The following MDH2 variants were observed in gnomAD, a reference collection of about 807,000 sequenced individuals.
The protein encoded by MDH2 is malate dehydrogenase 2.
Under a neutral mutation model 33.6 loss-of-function variants are expected in MDH2, and 25 were observed. The observed-to-expected ratio is 0.74, with a 90% CI of 0.54 to 1.04. The LOEUF (loss-of-function observed/expected upper bound fraction) is 1.04, where lower values mean the gene tolerates loss of function less well. MDH2 is among the 50% of genes least tolerant of loss of function. The pLI, the probability that MDH2 is intolerant of heterozygous loss-of-function variation, is 0.00. For synonymous variants in MDH2, 193 were observed against 188.7 expected, an observed-to-expected ratio of 1.02 and a Z score of -0.19; for missense variants, 432 against 445.0, an observed-to-expected ratio of 0.97 and a Z score of 0.26.
In MDH2 at chr7:76,060,514, G is replaced by A. The variant is rs781832387; in HGVS notation, c.555+16G>A. On this transcript the variant is annotated intron_variant, in intron 5 of 8. Coordinates refer to ENST00000315758, the MANE Select transcript of MDH2 (RefSeq NM_005918.4). ...AGAGCTGAAGGTAAGGGCGGCGTGG[G>A]TGTTGCTCAGGTGACCTTTCTGAAC... 4 of 1,613,390 alleles carry A rather than the reference G, an allele frequency of 2.5e-6. No homozygotes were observed. The highest frequency in any genetic ancestry group is 3.4e-6 in the Non-Finnish European group (4 of 1,179,582).
chr7:76,064,545 G>A (rs1798042119), intron 7 of MDH2, 107 bp downstream of exon 7: 1 of 1,087,386 alleles, frequency 9.2e-7, no homozygotes, highest in Non-Finnish European at 1.3e-6. Context: ...CCTTTTCAGT[G>A]TTGATTTGCA....
intron 1 of MDH2, 27 bp from the exon 2 acceptor site, chr7:76,054,803 G>A (rs528050550): frequency 6.2e-7 from 1 of 1,613,862 alleles, no homozygotes; most frequent in East Asian, 2.2e-5. Context: ...TTCCTCCTAA[G>A]AGTCCTTTCT....
At chr7:76,048,258 AG>A (rs1554584520) in intron 1 of MDH2, 32 bp downstream of exon 1, 2 of 1,527,592 alleles carry the variant, frequency 1.3e-6, no homozygotes, top group South Asian at 2.4e-5. Flanking sequence ...CTGCAGGCGG[AG>A]GCCCCCCGGC....
At chr7:76,053,591 G>T (rs1637028) in intron 1 of MDH2, among the ~76,000 whole-genome samples, 34,872 of 152,050 alleles carry the variant, frequency 0.23, 5,325 homozygotes, top group African/African-American at 0.43. Context: ...TTGGTTTGTT[G>T]GGTTTTGGTT....
At chr7:76,054,399 C>G (rs1457137737) in intron 1 of MDH2, 2 of 211,158 alleles carry the variant, frequency 9.5e-6, no homozygotes, top group African/African-American at 2.4e-5. Flanking sequence ...GTTCTCCCTG[C>G]TCCTAATGCA....
At chr7:76,049,328 G>A (rs925743010) in intron 1 of MDH2, among the ~76,000 whole-genome samples, 4 of 152,112 alleles carry the variant, frequency 2.6e-5, no homozygotes, top group Non-Finnish European at 5.9e-5. Context: ...TTTGCGCTGC[G>A]GTGAAGTGGG....
intron 5 of MDH2, among the ~76,000 whole-genome samples, chr7:76,062,985 G>A (rs1179633922): frequency 1.3e-5 from 2 of 152,248 alleles, no homozygotes; most frequent in Non-Finnish European, 2.9e-5. Context: ...GAACTGTGCT[G>A]TTTGGAGCCA....
intron 1 of MDH2, 157 bp from the exon 2 acceptor site, chr7:76,054,660 GGAATGAAGGTCCT>G (rs1797717266): frequency 1.3e-6 from 1 of 778,436 alleles, no homozygotes; most frequent in African/African-American, 1.8e-5. Flanking sequence ...GTGGACCTTT[GGAATGAAGGTCCT>G]GAATTCTTCC....
chr7:76,054,016 C>G (rs1366966312), intron 1 of MDH2, among the ~76,000 whole-genome samples: 1 of 152,226 alleles, frequency 6.6e-6, no homozygotes, highest in Non-Finnish European at 1.5e-5. Flanking sequence ...AACAGTGATT[C>G]TCAAACTGTT....
chr7:76,055,118 A>G (rs1797730489), intron 2 of MDH2, 120 bp downstream of exon 2: 2 of 1,211,842 alleles, frequency 1.7e-6, no homozygotes, highest in Non-Finnish European at 2.2e-6. Context: ...TCTGTTTTAA[A>G]TTTAAATTTT....
At chr7:76,049,458 A>G (rs1026188294) in intron 1 of MDH2, among the ~76,000 whole-genome samples, 2 of 152,152 alleles carry the variant, frequency 1.3e-5, no homozygotes, top group Admixed American at 1.3e-4. Flanking sequence ...AGGAATGAGT[A>G]AACTTAGGAC....
rs562604342 is a variant in MDH2, at chr7:76,049,979, G to T, written c.66+1753G>T. On this transcript the variant is annotated intron_variant, in intron 1 of 8. Coordinates refer to ENST00000315758, the MANE Select transcript of MDH2 (RefSeq NM_005918.4). The stretch of plus-strand genomic sequence containing the variant: ...CCCGAATAGCTGGGACTACAGGCGC[G>T]CACCACCGTGCCCAGCTAATTTTTG... Among the ~76,000 whole-genome samples, 7 of 152,026 alleles carry T rather than the reference G, an allele frequency of 4.6e-5. No individual in the cohort carries two copies. In the East Asian group the frequency reaches 1.4e-3, roughly 30 times the overall value.
intron 1 of MDH2, among the ~76,000 whole-genome samples, chr7:76,053,886 G>A (rs1226288601): frequency 6.6e-6 from 1 of 152,096 alleles, no homozygotes; most frequent in Non-Finnish European, 1.5e-5. Flanking sequence ...AATAACGGGA[G>A]TGATTGCTGG....
chr7:76,054,594 T>G, intron 1 of MDH2: 1 of 512,218 alleles, frequency 2.0e-6, no homozygotes. Context: ...TCAGGAGGGT[T>G]TTGAAGTACC....
At position 76,048,197 on chromosome 7, in the gene MDH2, C is replaced by T; in HGVS notation, c.37C>T (p.Leu13Phe). ...SALARPASAA[L>F]RRSFSTSAQN... Reference sequence around the variant, plus strand: ...CCTCGCCCGGCCTGCCAGCGCTGCTCTCCGCCGCAGCTTCAGCACCTCGGC... The same window carrying T: ...CCTCGCCCGGCCTGCCAGCGCTGCTTTCCGCCGCAGCTTCAGCACCTCGGC... The change falls in exon 1 of 9, where the codon CTC (leucine) becomes TTC (phenylalanine). Residue 13 changes from leucine to phenylalanine, a missense_variant. Leu to Phe is a conservative substitution (Grantham distance 22). Transcript: ENST00000315758. 1 of 1,536,516 alleles carries T rather than the reference C, an allele frequency of 6.5e-7. No homozygotes were observed.
At chr7:76,048,797 G>C (rs904697169) in intron 1 of MDH2, 6 of 1,222,536 alleles carry the variant, frequency 4.9e-6, no homozygotes, top group Non-Finnish European at 6.1e-6. Flanking sequence ...GCTGTGGGCG[G>C]ACTGAGCCTG....
intron 1 of MDH2, among the ~76,000 whole-genome samples, chr7:76,051,180 C>T (rs1554585386): frequency 2.0e-5 from 3 of 151,340 alleles, no homozygotes; most frequent in African/African-American, 4.9e-5. Context: ...CCACCACACC[C>T]GGCCAGGATC....
At position 76,066,279 on chromosome 7, in the gene MDH2, A is replaced by G. The variant is rs201419515; in HGVS notation, c.886A>G (p.Lys296Glu). 11 of 1,606,170 alleles carry G rather than the reference A, an allele frequency of 6.8e-6. No individual in the cohort carries two copies. In the African/African-American group the frequency reaches 1.2e-4, roughly 18 times the overall value. The change falls in exon 9 of 9, where the codon AAA becomes GAA. Residue 296 changes from lysine to glutamate, a missense_variant and splice_region_variant. Physicochemically the swap from Lys to Glu is moderately conservative, Grantham distance 56. Transcript: ENST00000315758. ...TYFSTPLLLG[K>E]KGIEKNLGIG... is the part of the protein sequence containing the mutation. ...TTTAACATGTTCCCATCTCCCTCAG[A>G]AAAAGGGCATCGAGAAGAACCTGGG...
rs782441759 is a variant in MDH2 at position 76,060,391 on chromosome 7, A to G, written c.448A>G (p.Ile150Val). 2 of 1,614,144 alleles carry G rather than the reference A, an allele frequency of 1.2e-6. No individual in the cohort carries two copies. The highest frequency in any genetic ancestry group is 2.2e-5 in the East Asian group (1 of 44,884). ...GTCCTAGGTTAATTCCACCATCCCCATCACAGCAGAAGTTTTCAAGAAGCA... is the reference window on the plus strand; with the variant it reads ...GTCCTAGGTTAATTCCACCATCCCCGTCACAGCAGAAGTTTTCAAGAAGCA... ...IANPVNSTIP[I>V]TAEVFKKHGV... Residue 150 changes from isoleucine (I) to valine (V), a missense_variant, in exon 5 of 9, where the codon ATC becomes GTC. Transcript: ENST00000315758.
Sources: allele counts gnomAD v4.1 joint callset (sites outside exome capture counted in the v4.1 genomes callset), GRCh38; gene constraint gnomAD v4.1.1; transcripts MANE v1.5; gene names NCBI Gene and HGNC (gene_info 2026-07-23, HGNC 2026-07-21).